The following LUZP2 variants were observed in gnomAD, a reference collection of about 807,000 sequenced individuals.
The protein encoded by LUZP2 is leucine zipper protein 2.
LUZP2 carries 52 observed loss-of-function variants against 51.6 expected under a neutral mutation model. The observed-to-expected ratio is 1.01, with a 90% CI of 0.81 to 1.27. LUZP2 has a LOEUF of 1.27. LUZP2 is among the 50% of genes most tolerant of loss of function. The probability of loss-of-function intolerance (pLI) is 0.00; values close to 1 mark genes in which losing one functional copy is unlikely to be tolerated. For missense variants in LUZP2, 436 were observed against 395.4 expected (o/e 1.10, Z -0.87); for synonymous variants, 154 against 137.3 (o/e 1.12, Z -0.85).
intron 1 of LUZP2, among the ~76,000 whole-genome samples, chr11:24,502,529 G>A (rs550656119): frequency 7.1e-4 from 107 of 150,484 alleles, no homozygotes; most frequent in Non-Finnish European, 7.8e-4. Flanking sequence ...GATTACAGGC[G>A]CCTGCCACCA....
intron 4 of LUZP2, among the ~76,000 whole-genome samples, chr11:24,759,872 A>G (rs754406083): frequency 6.6e-6 from 1 of 152,166 alleles, no homozygotes; most frequent in Non-Finnish European, 1.5e-5. Flanking sequence ...TTATTTCACC[A>G]AGGTTAAGGA....
intron 10 of LUZP2, 90 bp downstream of exon 10, chr11:25,050,220 C>A: frequency 2.4e-6 from 1 of 425,330 alleles, no homozygotes; most frequent in Non-Finnish European, 4.1e-6. Context: ...CACCATGAAA[C>A]TATTTATATG....
intron 5 of LUZP2, among the ~76,000 whole-genome samples, chr11:24,859,073 G>A (rs1417586528): frequency 1.3e-5 from 2 of 152,104 alleles, no homozygotes; most frequent in Non-Finnish European, 2.9e-5. Context: ...TTAGGTTCAT[G>A]GCTGAGGCAC....
At chr11:25,017,394 TTTTAAG>T (rs1404291154) in intron 9 of LUZP2, among the ~76,000 whole-genome samples, 1 of 152,156 alleles carries the variant, frequency 6.6e-6, no homozygotes, top group African/African-American at 2.4e-5. Context: ...GTTTTTATGG[TTTTAAG>T]TTTAAGTCTT....
chr11:24,765,429 C>T (rs1213837652), intron 5 of LUZP2, among the ~76,000 whole-genome samples: 1 of 152,000 alleles, frequency 6.6e-6, no homozygotes, highest in Admixed American at 6.5e-5. Context: ...AGGCTAAGTC[C>T]CTCCTATGCC....
intron 5 of LUZP2, among the ~76,000 whole-genome samples, chr11:24,894,886 A>G (rs1852985773): frequency 1.3e-5 from 2 of 152,174 alleles, no homozygotes; most frequent in Admixed American, 6.5e-5. Flanking sequence ...TCAGAAGCAA[A>G]CAGTCACTAC....
intron 7 of LUZP2, among the ~76,000 whole-genome samples, chr11:24,929,045 T>C (rs932499197): frequency 3.9e-5 from 6 of 152,088 alleles, no homozygotes; most frequent in African/African-American, 1.2e-4. Context: ...CTTGAATGAA[T>C]GATCTTTTGT....
At chr11:25,001,668 T>A (rs1856684537) in intron 9 of LUZP2, among the ~76,000 whole-genome samples, 1 of 152,206 alleles carries the variant, frequency 6.6e-6, no homozygotes. Context: ...GGGTACACTG[T>A]TTTTTCTTTA....
intron 5 of LUZP2, 63 bp from the exon 6 acceptor site, chr11:24,905,928 T>A: frequency 8.7e-7 from 1 of 1,153,754 alleles, no homozygotes; most frequent in Middle Eastern, 2.2e-4. Flanking sequence ...AATGTTGACA[T>A]AGTTGAAGGA....
At chr11:25,042,756 C>A (rs1480889234) in intron 9 of LUZP2, among the ~76,000 whole-genome samples, 4 of 152,080 alleles carry the variant, frequency 2.6e-5, no homozygotes. Context: ...TCTATATCTG[C>A]CCCCATTACC....
intron 9 of LUZP2, among the ~76,000 whole-genome samples, chr11:24,994,020 C>T (rs1201972861): frequency 2.0e-5 from 3 of 152,074 alleles, no homozygotes; most frequent in Admixed American, 6.6e-5. Flanking sequence ...GCCAACACGC[C>T]CGACTAATTT....
rs569373055 is a variant in LUZP2, at chr11:24,560,676, G to A, written c.62+63371G>A. Reference sequence around the variant, plus strand: ...TTCTCTTTTAAATAATTTGATGTAGGATTCTGGAACAGGTATAATTAAAAG... The same window carrying A: ...TTCTCTTTTAAATAATTTGATGTAGAATTCTGGAACAGGTATAATTAAAAG... On this transcript the variant is annotated intron_variant, in intron 1 of 11. Coordinates refer to ENST00000336930, the MANE Select transcript of LUZP2 (RefSeq NM_001009909.4). Among the ~76,000 whole-genome samples the A allele has an allele frequency of 1.3e-4, 20 of 152,218 alleles. 2 individuals are homozygous for A. Among genetic ancestry groups the A allele is most frequent in the African/African-American group, 4.6e-4 (19 of 41,544 alleles).
intron 1 of LUZP2, among the ~76,000 whole-genome samples, chr11:24,553,063 A>G (rs947598466): frequency 6.6e-6 from 1 of 151,688 alleles, no homozygotes; most frequent in Non-Finnish European, 1.5e-5. Context: ...TGAGGTCACA[A>G]TAATAACTGT....
At chr11:24,702,931 G>A (rs1000231242) in intron 1 of LUZP2, among the ~76,000 whole-genome samples, 2 of 152,068 alleles carry the variant, frequency 1.3e-5, no homozygotes, top group East Asian at 1.9e-4. Flanking sequence ...AACTTAAGAG[G>A]GATGTTAAAA....
intron 5 of LUZP2, among the ~76,000 whole-genome samples, chr11:24,769,766 A>G (rs1282092603): frequency 1.3e-5 from 2 of 150,792 alleles, no homozygotes; most frequent in African/African-American, 2.5e-5. Context: ...AGGATGAAAT[A>G]GGGAATCACA....
At chr11:24,563,088 T>C (rs988562933) in intron 1 of LUZP2, among the ~76,000 whole-genome samples, 2 of 152,142 alleles carry the variant, frequency 1.3e-5, no homozygotes, top group South Asian at 4.1e-4. Flanking sequence ...AAAAGTGAAA[T>C]GTGATGAAAC....
At chr11:24,510,862 A>G (rs1202520202) in intron 1 of LUZP2, among the ~76,000 whole-genome samples, 1 of 152,162 alleles carries the variant, frequency 6.6e-6, no homozygotes, top group Non-Finnish European at 1.5e-5. Context: ...CAAGTGGGTA[A>G]GTTAGCCATG....
At chr11:24,593,673 T>A (rs989659042) in intron 1 of LUZP2, among the ~76,000 whole-genome samples, 21 of 152,214 alleles carry the variant, frequency 1.4e-4, no homozygotes, top group African/African-American at 5.1e-4. Flanking sequence ...GCTTAGAGTT[T>A]AAGTTCCTTA....
chr11:24,836,328 A>C (rs1419975771), intron 5 of LUZP2, among the ~76,000 whole-genome samples: 3 of 152,054 alleles, frequency 2.0e-5, no homozygotes, highest in Non-Finnish European at 2.9e-5. Flanking sequence ...AAGTCTTTAA[A>C]ATTTTTTTAT....
Sources: gnomAD v4.1 joint callset for allele counts (sites outside exome capture counted in the v4.1 genomes callset) on GRCh38, gnomAD v4.1.1 for gene constraint, MANE v1.5 for transcripts, NCBI Gene and HGNC (gene_info 2026-07-23, HGNC 2026-07-21) for gene names.